The following SLC16A7 variants were observed in gnomAD, a reference collection of about 807,000 sequenced individuals.
SLC16A7 encodes solute carrier family 16 member 7.
In SLC16A7, 33 loss-of-function variants were observed where a neutral mutation model predicts 34.9. The observed-to-expected ratio is 0.94, with a 90% CI of 0.72 to 1.26. The LOEUF is 1.26. SLC16A7 is among the 50% of genes most tolerant of loss of function. SLC16A7 has a pLI of 0.00. For synonymous variants in SLC16A7, 201 were observed against 206.6 expected (o/e 0.97, Z 0.23); for missense variants, 573 against 578.1 (o/e 0.99, Z 0.09).
At chr12:59,711,020 T>C (rs1367628637) in intron 3 of SLC16A7, among the ~76,000 whole-genome samples, 2 of 152,204 alleles carry the variant, frequency 1.3e-5, no homozygotes, top group Admixed American at 6.5e-5. Context: ...CACTTCAGCC[T>C]CATATTTCAG....
At chr12:59,732,756 C>T (rs186364591) in intron 3 of SLC16A7, among the ~76,000 whole-genome samples, 2 of 152,172 alleles carry the variant, frequency 1.3e-5, no homozygotes, top group African/African-American at 4.8e-5. Context: ...TTATTCACCC[C>T]ACTCATTTAT....
intron 1 of SLC16A7, among the ~76,000 whole-genome samples, chr12:59,615,755 G>A (rs1879421728): frequency 6.6e-6 from 1 of 152,200 alleles, no homozygotes; most frequent in South Asian, 2.1e-4. Context: ...GTCCTAAACA[G>A]CATAAAGATG....
intron 2 of SLC16A7, among the ~76,000 whole-genome samples, chr12:59,668,138 C>T (rs1275703010): frequency 3.3e-5 from 5 of 152,174 alleles, no homozygotes; most frequent in African/African-American, 1.2e-4. Flanking sequence ...TAGGGCAGTG[C>T]AGCAGGGAAA....
At chr12:59,597,812 C>G (rs927889384) in intron 1 of SLC16A7, among the ~76,000 whole-genome samples, 1 of 152,150 alleles carries the variant, frequency 6.6e-6, no homozygotes, top group Non-Finnish European at 1.5e-5. Flanking sequence ...AACTTACAAA[C>G]TCAGAAACTA....
chr12:59,740,394 A>G (rs1341385974), intron 3 of SLC16A7, among the ~76,000 whole-genome samples: 4 of 152,084 alleles, frequency 2.6e-5, no homozygotes. Context: ...GTTCTGTTCC[A>G]TTGATCTATA....
intron 3 of SLC16A7, among the ~76,000 whole-genome samples, chr12:59,768,517 C>G (rs549931032): frequency 5.9e-5 from 9 of 152,184 alleles, no homozygotes; most frequent in African/African-American, 2.2e-4. Flanking sequence ...GTTGATATAA[C>G]TACAAAAGTT....
At chr12:59,767,299 C>A (rs1278756482) in intron 3 of SLC16A7, among the ~76,000 whole-genome samples, 3 of 151,912 alleles carry the variant, frequency 2.0e-5, no homozygotes, top group Non-Finnish European at 4.4e-5. Flanking sequence ...TCCTGAAGAT[C>A]TAGCTAAGAT....
At chr12:59,651,543 A>C (rs923444889) in intron 1 of SLC16A7, among the ~76,000 whole-genome samples, 1 of 152,186 alleles carries the variant, frequency 6.6e-6, no homozygotes, top group Non-Finnish European at 1.5e-5. Context: ...GCTTTTTAGA[A>C]TCTGTCTCCA....
chr12:59,632,871 T>C (rs1880244557), intron 1 of SLC16A7, among the ~76,000 whole-genome samples: 1 of 151,948 alleles, frequency 6.6e-6, no homozygotes, highest in Non-Finnish European at 1.5e-5. Context: ...GAGACACACT[T>C]GGGGAAGAAG....
chr12:59,755,934 G>A (rs894120187), intron 3 of SLC16A7, among the ~76,000 whole-genome samples: 2 of 152,148 alleles, frequency 1.3e-5, no homozygotes, highest in Admixed American at 1.3e-4. Context: ...GCAGAACAGA[G>A]CCCTCAGAAA....
At chr12:59,609,088 A>G (rs1879073800) in intron 1 of SLC16A7, among the ~76,000 whole-genome samples, 2 of 152,238 alleles carry the variant, frequency 1.3e-5, no homozygotes, top group Non-Finnish European at 2.9e-5. Context: ...GAAAAGGCAT[A>G]CAATTTATTG....
At chr12:59,695,146 T>C (rs1872133044) in intron 2 of SLC16A7, among the ~76,000 whole-genome samples, 1 of 151,956 alleles carries the variant, frequency 6.6e-6, no homozygotes, top group Admixed American at 6.6e-5. Context: ...AAATTATGAG[T>C]GTAATTAAGC....
intron 2 of SLC16A7, among the ~76,000 whole-genome samples, chr12:59,689,659 A>T (rs1489193825): frequency 3.3e-5 from 5 of 151,960 alleles, no homozygotes; most frequent in African/African-American, 1.2e-4. Context: ...TTCTTTGGCC[A>T]TGTAATCTTC....
At chr12:59,710,922 C>T (rs1476696055) in intron 3 of SLC16A7, among the ~76,000 whole-genome samples, 1 of 152,204 alleles carries the variant, frequency 6.6e-6, no homozygotes, top group African/African-American at 2.4e-5. Flanking sequence ...ATGTTACACT[C>T]TCTCTTCTCT....
chr12:59,766,711 T>A (rs1340576129), intron 3 of SLC16A7, among the ~76,000 whole-genome samples: 1 of 152,224 alleles, frequency 6.6e-6, no homozygotes, highest in Non-Finnish European at 1.5e-5. Context: ...AGCTTTTTGA[T>A]GTGCTGCTGG....
chr12:59,618,277 G>A (rs183533885), intron 1 of SLC16A7, among the ~76,000 whole-genome samples: 10 of 151,770 alleles, frequency 6.6e-5, no homozygotes, highest in South Asian at 4.2e-4. Context: ...CACATACCAC[G>A]TACTTAAACA....
rs565606965 is a variant in SLC16A7, at chr12:59,731,702, CA to C, written c.217+26685del. 2.9e-3 allele frequency among the ~76,000 whole-genome samples: 436 copies of C among 152,274 alleles called. 5 individuals carry two copies. The highest frequency in any genetic ancestry group is 1.9e-3 in the Non-Finnish European group (128 of 68,020). On this transcript the variant is annotated intron_variant, in intron 3 of 5. Transcript: ENST00000547379. ...GTTATAGTGCAGCTCCTGGATCTTC[CA>C]CATAGAGCTCATTTGGCCCACACCA...
At chr12:59,775,913 T>C (rs568223314) in intron 5 of SLC16A7, among the ~76,000 whole-genome samples, 7 of 152,310 alleles carry the variant, frequency 4.6e-5, no homozygotes, top group African/African-American at 9.6e-5. Context: ...ATATATTAAT[T>C]TGAAATTTGT....
chr12:59,611,637 T>G (rs764240864), intron 1 of SLC16A7, among the ~76,000 whole-genome samples: 1 of 152,158 alleles, frequency 6.6e-6, no homozygotes, highest in Non-Finnish European at 1.5e-5. Flanking sequence ...GTCCAAAGTT[T>G]CAACTGAGAC....
Sources: gnomAD v4.1 joint callset for allele counts (sites outside exome capture counted in the v4.1 genomes callset) on GRCh38, gnomAD v4.1.1 for gene constraint, MANE v1.5 for transcripts, NCBI Gene and HGNC (gene_info 2026-07-23, HGNC 2026-07-21) for gene names.